MYO1B: variants seen among roughly 807,000 people sequenced by gnomAD.
MYO1B encodes the protein myosin IB.
A neutral mutation model predicts 159.7 loss-of-function variants in MYO1B; 72 were observed. That is an observed-to-expected ratio of 0.45 (90% CI 0.37 to 0.55). The LOEUF (loss-of-function observed/expected upper bound fraction) is 0.55. Among genes scored for constraint, MYO1B ranks in the 20% least tolerant of loss-of-function variants. The pLI, the probability that MYO1B is intolerant of heterozygous loss-of-function variation, is 0.00. For missense variants in MYO1B, 1,062 were observed against 1,364.8 expected (o/e 0.78, Z 3.50); for synonymous variants, 468 against 473.8 (o/e 0.99, Z 0.16).
chr2:191,335,263 C>T (rs367614694), intron 4 of MYO1B, among the ~76,000 whole-genome samples: 9 of 152,308 alleles, frequency 5.9e-5, no homozygotes, highest in African/African-American at 2.2e-4. Context: ...TCCTACCTCT[C>T]AGTCCACTGT....
chr2:191,336,238 G>C lies in MYO1B; in HGVS notation c.347-5223G>C, dbSNP rs144265517. Among the ~76,000 whole-genome samples, 26 of 152,298 alleles carry C rather than the reference G, an allele frequency of 1.7e-4. No homozygotes were observed. The East Asian group carries it at 4.6e-3, about 27-fold the overall frequency. The stretch of plus-strand genomic sequence containing the variant: ...AGCCATCTGCTAGAAGAGTTATGAA[G>C]CCTGCCTTGCTCATTAAGACCTTTG... On this transcript the variant is annotated intron_variant, in intron 4 of 30. Transcript: ENST00000392318.
At chr2:191,368,305 AAT>A (rs2126031802) in intron 11 of MYO1B, among the ~76,000 whole-genome samples, 1 of 152,332 alleles carries the variant, frequency 6.6e-6, no homozygotes, top group South Asian at 2.1e-4. Context: ...GAAGCAGCAA[AAT>A]ACACACATAC....
Position 191,390,376 on chromosome 2 carries a change from GGAGAACGTCC to G in MYO1B, c.1870_1879del (p.Asn624CysfsTer16), listed in dbSNP as rs1695671569. The G allele has an allele frequency of 6.2e-7, 1 of 1,614,128 alleles. No homozygotes were observed. The highest frequency in any genetic ancestry group is 8.5e-7 in the Non-Finnish European group (1 of 1,180,048). The stretch of plus-strand genomic sequence containing the variant: ...ATCAGATCAGGTACCTGGGGCTTTT[GGAGAACGTCC>G]GAGTGCGGAGGGCAGGCTACGCCTT... On this transcript the variant is annotated frameshift_variant, in exon 18 of 31. Coordinates refer to ENST00000392318, the MANE Select transcript of MYO1B (RefSeq NM_001130158.3). LOFTEE classifies it high-confidence loss of function.
Position 191,393,237 on chromosome 2 carries a change from C to A in MYO1B, c.2226+15C>A, listed in dbSNP as rs1342769484. 1 of 1,612,308 alleles carries A rather than the reference C, an allele frequency of 6.2e-7. No homozygotes were observed. Among genetic ancestry groups the A allele is most frequent in the South Asian group, 1.1e-5 (1 of 90,872 alleles). ...GGAGATATGCGGTAAGAGTCTCAGT[C>A]ATTTTAAATCAGTAATAACAATGCT... On this transcript the variant is annotated intron_variant, in intron 20 of 30. Coordinates refer to ENST00000392318, the MANE Select transcript of MYO1B (RefSeq NM_001130158.3).
At chr2:191,410,362 C>T (rs940560994) in intron 26 of MYO1B, among the ~76,000 whole-genome samples, 1 of 152,168 alleles carries the variant, frequency 6.6e-6, no homozygotes, top group African/African-American at 2.4e-5. Flanking sequence ...CTTGACCACA[C>T]CTGTAACTGA....
At chr2:191,362,848 A>T (rs906254969) in intron 9 of MYO1B, among the ~76,000 whole-genome samples, 1 of 152,226 alleles carries the variant, frequency 6.6e-6, no homozygotes, top group African/African-American at 2.4e-5. Context: ...TTCTGTCTTA[A>T]TGTGTGATAC....
chr2:191,400,524 A>G (rs371882596), intron 22 of MYO1B, 56 bp downstream of exon 22: 268 of 1,584,082 alleles, frequency 1.7e-4, no homozygotes, highest in Non-Finnish European at 2.2e-4. Context: ...ATGTGGAACC[A>G]TGAACCCTCG....
At chr2:191,368,313 C>A (rs188827435) in intron 11 of MYO1B, among the ~76,000 whole-genome samples, 10 of 152,314 alleles carry the variant, frequency 6.6e-5, no homozygotes, top group African/African-American at 2.2e-4. Context: ...AAAATACACA[C>A]ATACGGCCAG....
intron 3 of MYO1B, among the ~76,000 whole-genome samples, chr2:191,319,315 T>A (rs1329728089): frequency 1.3e-5 from 2 of 152,090 alleles, no homozygotes; most frequent in Admixed American, 1.3e-4. Context: ...GAAGACACAC[T>A]CACATAAGCC....
intron 3 of MYO1B, among the ~76,000 whole-genome samples, chr2:191,298,583 G>A (rs1040365389): frequency 6.6e-6 from 1 of 152,116 alleles, no homozygotes; most frequent in African/African-American, 2.4e-5. Context: ...GTCTGAGAAC[G>A]TGTTGCTTTA....
chr2:191,296,255 C>T lies in MYO1B; in HGVS notation c.251+29C>T, dbSNP rs1188495113. ...AGTACTGTACTAAAGCATTAAGTTT[C>T]TCTTTTACTCCAGAGATGTGTAGTT... On this transcript the variant is annotated intron_variant, in intron 3 of 30. Transcript: ENST00000392318. 7.4e-6 allele frequency: 10 copies of T among 1,357,146 alleles called. 1 individual carries two copies. Among genetic ancestry groups the T allele is most frequent in the Admixed American group, 1.9e-5 (1 of 52,228 alleles). 84.1% of individuals were successfully genotyped at this position (1,357,146 alleles called of 1,614,324 possible).
chr2:191,308,286 A>G (rs1689775616), intron 3 of MYO1B, among the ~76,000 whole-genome samples: 1 of 152,218 alleles, frequency 6.6e-6, no homozygotes, highest in Non-Finnish European at 1.5e-5. Flanking sequence ...TTGTTTTTAT[A>G]CCACAGATGT....
chr2:191,420,255 GC>G (rs1697854257), intron 30 of MYO1B, among the ~76,000 whole-genome samples: 1 of 152,062 alleles, frequency 6.6e-6, no homozygotes, highest in African/African-American at 2.4e-5. Context: ...AGTTTATAAA[GC>G]AAAAAGTTAC....
intron 1 of MYO1B, among the ~76,000 whole-genome samples, chr2:191,268,665 A>G (rs1687282625): frequency 1.3e-5 from 2 of 152,176 alleles, no homozygotes; most frequent in South Asian, 4.1e-4. Flanking sequence ...GTCTGTCACC[A>G]TGCTTCATTC....
At position 191,409,137 on chromosome 2, in the gene MYO1B, T is replaced by C. The variant is rs1174533850; in HGVS notation, c.2725T>C (p.Ser909Pro). The C allele has an allele frequency of 1.2e-6, 2 of 1,613,046 alleles. No homozygotes were observed. The highest frequency in any genetic ancestry group is 1.7e-6 in the Non-Finnish European group (2 of 1,179,700). Reference protein sequence around the residue: ...WPSRPYLFLDSTHKELKRIFH... With the variant: ...WPSRPYLFLDPTHKELKRIFH... ...CTCAAGACCTTACTTATTCTTGGAT[T>C]CTACTCACAAGGAGCTAAAAAGGAT... Residue 909 changes from serine to proline, a missense_variant, in exon 26 of 31, where the codon TCT becomes CCT. Around this residue, in one of 5 missense-constraint regions of MYO1B, gnomAD observed 609 missense variants for 744.4 expected, o/e 0.82. Transcript: ENST00000392318.
At chr2:191,289,664 C>T (rs1308911040) in intron 2 of MYO1B, among the ~76,000 whole-genome samples, 2 of 151,776 alleles carry the variant, frequency 1.3e-5, no homozygotes, top group Non-Finnish European at 2.9e-5. Flanking sequence ...TGAGAGAATT[C>T]GATATTTCAA....
chr2:191,383,473 T>TATATATATATATATATATATATACAC (rs1170563038), intron 15 of MYO1B, 131 bp downstream of exon 15: 3 of 119,842 alleles, frequency 2.5e-5, no homozygotes, highest in African/African-American at 1.1e-4. Flanking sequence ...TATATATATA[T>TATATATATATATATATATATATACAC]ACACACACAC....
At chr2:191,247,800 C>T (rs116708892) in intron 1 of MYO1B, among the ~76,000 whole-genome samples, 3,357 of 152,340 alleles carry the variant, frequency 0.022, 114 homozygotes, top group African/African-American at 0.075. Flanking sequence ...ATAGCAGAAT[C>T]CTAAGTGGCT....
At chr2:191,408,281 G>A in intron 25 of MYO1B, 92 bp downstream of exon 25, 1 of 799,856 alleles carries the variant, frequency 1.3e-6, no homozygotes, top group Middle Eastern at 2.3e-4. Flanking sequence ...TTTCCTAAAT[G>A]ACAAAAGTGA....
Sources: allele counts gnomAD v4.1 joint callset (sites outside exome capture counted in the v4.1 genomes callset), GRCh38; gene constraint gnomAD v4.1.1; regional missense constraint gnomAD v4.1.1; transcripts MANE v1.5; gene names NCBI Gene and HGNC (gene_info 2026-07-23, HGNC 2026-07-21).